DENND1A: variants seen among roughly 807,000 people sequenced by gnomAD.
The protein encoded by DENND1A is DENN domain containing 1A.
A neutral mutation model predicts 113.7 loss-of-function variants in DENND1A; 51 were observed. The ratio of observed to expected loss-of-function variants is 0.45; its 90% CI spans 0.36 to 0.57. DENND1A has a LOEUF of 0.57. DENND1A is among the 20% of genes least tolerant of loss of function. The probability of loss-of-function intolerance (pLI) is 0.00; values close to 1 mark genes in which losing one functional copy is unlikely to be tolerated. For synonymous variants in DENND1A, 565 were observed against 570.8 expected (o/e 0.99, Z 0.14); for missense variants, 1,258 against 1,395.9 (o/e 0.90, Z 1.57).
chr9:123,617,583 G>A (rs921246447), intron 10 of DENND1A, among the ~76,000 whole-genome samples: 3 of 152,212 alleles, frequency 2.0e-5, no homozygotes, highest in Non-Finnish European at 2.9e-5. Context: ...ACAAAATTCT[G>A]GAGAGGTCAA....
chr9:123,874,491 G>C (rs983866618), intron 2 of DENND1A, among the ~76,000 whole-genome samples: 19 of 152,152 alleles, frequency 1.2e-4, no homozygotes, highest in Non-Finnish European at 1.8e-4. Flanking sequence ...GCCTATACCA[G>C]CTACTAAGGA....
intron 9 of DENND1A, among the ~76,000 whole-genome samples, chr9:123,651,164 A>G (rs1167426955): frequency 1.3e-5 from 2 of 151,982 alleles, no homozygotes; most frequent in Non-Finnish European, 2.9e-5. Context: ...TTTATATTAT[A>G]CACACAGCAA....
At chr9:123,395,168 A>G (rs948012181) in intron 21 of DENND1A, among the ~76,000 whole-genome samples, 1 of 152,168 alleles carries the variant, frequency 6.6e-6, no homozygotes, top group African/African-American at 2.4e-5. Context: ...GGTGACTGAA[A>G]TCAGTCATGT....
At chr9:123,885,791 T>C (rs766183361) in intron 1 of DENND1A, among the ~76,000 whole-genome samples, 5 of 152,208 alleles carry the variant, frequency 3.3e-5, no homozygotes, top group Non-Finnish European at 7.3e-5. Context: ...GTTCTTTTTT[T>C]TTCTTTTCGA....
intron 12 of DENND1A, among the ~76,000 whole-genome samples, chr9:123,559,581 G>A (rs906218005): frequency 6.6e-6 from 1 of 152,044 alleles, no homozygotes; most frequent in African/African-American, 2.4e-5. Flanking sequence ...AAAAAAATCC[G>A]ACCTGGGAAG....
chr9:123,859,903 T>C (rs1844816444), intron 2 of DENND1A, among the ~76,000 whole-genome samples: 1 of 152,136 alleles, frequency 6.6e-6, no homozygotes, highest in Admixed American at 6.5e-5. Context: ...GAAGACCTCA[T>C]TTGCCCTGCT....
chr9:123,894,102 T>C (rs1226849024), intron 1 of DENND1A, among the ~76,000 whole-genome samples: 1 of 152,220 alleles, frequency 6.6e-6, no homozygotes, highest in Non-Finnish European at 1.5e-5. Context: ...CACTGGGAAC[T>C]TTGTTTCACT....
At chr9:123,843,922 A>C (rs910098699) in intron 2 of DENND1A, among the ~76,000 whole-genome samples, 11 of 152,204 alleles carry the variant, frequency 7.2e-5, no homozygotes. Flanking sequence ...AACGTCCAAA[A>C]ATAGATTAAT....
chr9:123,797,503 A>T (rs992191868), intron 2 of DENND1A, among the ~76,000 whole-genome samples: 7 of 152,124 alleles, frequency 4.6e-5, no homozygotes, highest in Non-Finnish European at 8.8e-5. Context: ...CAAGAAGAAA[A>T]TTTTTTTGTA....
chr9:123,587,738 T>A (rs2059250146), intron 11 of DENND1A, among the ~76,000 whole-genome samples: 2 of 152,192 alleles, frequency 1.3e-5, no homozygotes, highest in South Asian at 4.1e-4. Context: ...CCTGGCATTG[T>A]CTTTACACAA....
chr9:123,581,328 G>A (rs1013792275), intron 12 of DENND1A, among the ~76,000 whole-genome samples: 2 of 152,316 alleles, frequency 1.3e-5, no homozygotes, highest in East Asian at 3.9e-4. Flanking sequence ...GAGTTAGGTG[G>A]AGAGAAGTTT....
chr9:123,706,578 T>G (rs554930567), intron 5 of DENND1A, among the ~76,000 whole-genome samples: 22 of 151,220 alleles, frequency 1.5e-4, no homozygotes, highest in African/African-American at 5.1e-4. Flanking sequence ...GAGACCATCC[T>G]GGCTAACACA....
chr9:123,454,819 G>T (rs1292510491), intron 15 of DENND1A, 40 bp from the exon 16 acceptor site: 9 of 1,538,172 alleles, frequency 5.9e-6, no homozygotes, highest in Non-Finnish European at 7.1e-6. Flanking sequence ...ACTTAAAGAG[G>T]TGATTTGTCC....
rs150994873 is a variant in DENND1A, at chr9:123,899,765, C to G, written c.18-20744G>C. Among the ~76,000 whole-genome samples, 470 of 152,210 alleles carry G rather than the reference C, an allele frequency of 3.1e-3. 2 individuals are homozygous for G. The highest frequency in any genetic ancestry group is 0.011 in the African/African-American group (450 of 41,520). ...TTTCCTGTGCAATGTGAAACTTTTC[C>G]TATGAGGAAGTCAGACCAAGGTAGG... On this transcript the variant is annotated intron_variant, in intron 1 of 23. Coordinates refer to ENST00000394215, the MANE Select transcript of DENND1A (RefSeq NM_001352964.2).
At position 123,495,141 on chromosome 9, in the gene DENND1A, T is replaced by C. The variant is rs113037889; in HGVS notation, c.994-37244A>G. ...TCTATTATGACCCATCATTGTCTCT[T>C]TCTCTCTCTCTCTCTCTCTCTCTCT... is the stretch of plus-strand genomic sequence containing the variant. On this transcript the variant is annotated intron_variant, in intron 13 of 23. Coordinates refer to ENST00000394215, the MANE Select transcript of DENND1A (RefSeq NM_001352964.2). Among the ~76,000 whole-genome samples the C allele has an allele frequency of 3.9e-3, 546 of 140,368 alleles. 10 individuals are homozygous for C. The highest frequency in any genetic ancestry group is 0.014 in the African/African-American group (478 of 35,354). 92.1% of individuals were successfully genotyped at this position (140,368 alleles called of 152,430 possible).
chr9:123,553,400 GCCC>G (rs869110586), intron 13 of DENND1A, among the ~76,000 whole-genome samples: 11 of 112,480 alleles, frequency 9.8e-5, no homozygotes, highest in African/African-American at 2.7e-4. Flanking sequence ...TTTAAAAGCC[GCCC>G]CCCCCCCGCT....
chr9:123,505,173 A>G (rs1259751963), intron 13 of DENND1A, among the ~76,000 whole-genome samples: 1 of 152,244 alleles, frequency 6.6e-6, no homozygotes, highest in Non-Finnish European at 1.5e-5. Context: ...GATATTCTAT[A>G]TGGACAGATC....
chr9:123,818,709 T>C (rs1204636503), intron 2 of DENND1A, among the ~76,000 whole-genome samples: 1 of 151,832 alleles, frequency 6.6e-6, no homozygotes, highest in Admixed American at 6.6e-5. Context: ...TGAAACAAAG[T>C]TTGTGTTAAG....
chr9:123,814,287 T>C (rs912150077), intron 2 of DENND1A, among the ~76,000 whole-genome samples: 2 of 152,082 alleles, frequency 1.3e-5, no homozygotes, highest in African/African-American at 4.8e-5. Context: ...TAAAAGCAAA[T>C]GTTAATTTAA....
Sources: gnomAD v4.1 joint callset for allele counts (sites outside exome capture counted in the v4.1 genomes callset) on GRCh38, gnomAD v4.1.1 for gene constraint, MANE v1.5 for transcripts, NCBI Gene and HGNC (gene_info 2026-07-23, HGNC 2026-07-21) for gene names.